The following PCDH15 variants were observed in gnomAD, a reference collection of about 807,000 sequenced individuals.
PCDH15 encodes protocadherin-15.
In PCDH15, 129 loss-of-function variants were observed where a neutral mutation model predicts 178.5. The observed-to-expected ratio is 0.72, with a 90% confidence interval of 0.63 to 0.84. PCDH15 has a LOEUF of 0.84. PCDH15 is among the 40% of genes least tolerant of loss of function. The pLI, the probability that PCDH15 is intolerant of heterozygous loss-of-function variation, is 0.00. For synonymous variants in PCDH15, 800 were observed against 732.0 expected (o/e 1.09, Z -1.50); for missense variants, 2,230 against 2,099.9 (o/e 1.06, Z -1.21).
Position 54,295,673 on chromosome 10 carries a change from A to G in PCDH15, c.876+21598T>C, listed in dbSNP as rs371360347. Among the ~76,000 whole-genome samples, 8 of 152,314 alleles carry G rather than the reference A, an allele frequency of 5.3e-5. No homozygotes were observed. The East Asian group carries it at 1.2e-3, about 22-fold the overall frequency. Reference sequence around the variant, plus strand: ...CATTCACTGTGAAGCTCCGCGCTTCATTCTTGAAGTCAGCAAGACCAAGAA... The same window carrying G: ...CATTCACTGTGAAGCTCCGCGCTTCGTTCTTGAAGTCAGCAAGACCAAGAA... On this transcript the variant is annotated intron_variant, in intron 8 of 37. Transcript: ENST00000644397.
chr10:53,806,825 A>AT lies in PCDH15; in HGVS notation c.4976_4977insA (p.Phe1659LeufsTer4). The stretch of plus-strand genomic sequence containing the variant: ...GTCTTGCATTCATTTTTTCAGTAGA[A>AT]AATGGCCCCTTTGATAATGTGTTCA... On this transcript the variant is annotated frameshift_variant, in exon 38 of 38. Coordinates refer to ENST00000644397, the MANE Select transcript of PCDH15 (RefSeq NM_001384140.1). LOFTEE classifies it high-confidence loss of function. 1 of 1,613,894 alleles carries AT rather than the reference A, an allele frequency of 6.2e-7. No individual in the cohort carries two copies. Among genetic ancestry groups the AT allele is most frequent in the Non-Finnish European group, 8.5e-7 (1 of 1,179,824 alleles).
At chr10:53,938,763 T>A in intron 25 of PCDH15, 52 bp downstream of exon 25, 2 of 1,578,462 alleles carry the variant, frequency 1.3e-6, no homozygotes, top group Non-Finnish European at 1.7e-6. Flanking sequence ...ATTTAAAAAA[T>A]TAGCAGAGAC....
intron 2 of PCDH15, among the ~76,000 whole-genome samples, chr10:54,925,449 A>G (rs1837594338): frequency 6.6e-6 from 1 of 151,992 alleles, no homozygotes; most frequent in South Asian, 2.1e-4. Flanking sequence ...TTTTCACATT[A>G]ATTTTAAAAT....
chr10:54,161,000 C>T (rs986909284), intron 13 of PCDH15, among the ~76,000 whole-genome samples: 1 of 152,050 alleles, frequency 6.6e-6, no homozygotes, highest in African/African-American at 2.4e-5. Context: ...TGTAATCTAG[C>T]ACTTTTCGTA....
chr10:55,610,101 C>G lies in PCDH15; in HGVS notation c.-156+17524G>C, dbSNP rs142328395. Among the ~76,000 whole-genome samples, 894 of 152,176 alleles carry G rather than the reference C, an allele frequency of 5.9e-3. 11 individuals carry two copies. The highest frequency in any genetic ancestry group is 0.021 in the African/African-American group (862 of 41,558). On this transcript the variant is annotated intron_variant, in intron 2 of 5. Transcript: ENST00000613346. ...CACAACAACAACAACAAAATCCTAA[C>G]TTGAATCCATCAGTTGCAGATTTCA...
intron 8 of PCDH15, among the ~76,000 whole-genome samples, chr10:54,316,527 TATACACACACACACACACACAC>T (rs1395668237): frequency 3.9e-5 from 5 of 128,240 alleles, no homozygotes; most frequent in African/African-American, 1.5e-4. Flanking sequence ...AGAATATGTG[TATACACACACACACACACACAC>T]ACACACACAC....
chr10:54,267,033 CA>C (rs1237376254), intron 8 of PCDH15, among the ~76,000 whole-genome samples: 3 of 151,684 alleles, frequency 2.0e-5, no homozygotes, highest in African/African-American at 7.3e-5. Context: ...AAATCCTCAA[CA>C]AAGTACTTGC....
At chr10:54,876,623 A>T in intron 3 of PCDH15, among the ~76,000 whole-genome samples, 1 of 152,170 alleles carries the variant, frequency 6.6e-6, no homozygotes, top group East Asian at 1.9e-4. Context: ...TCAAAACGTC[A>T]ATGGAGGAAG....
intron 2 of PCDH15, among the ~76,000 whole-genome samples, chr10:54,996,426 C>T (rs1450735153): frequency 6.6e-6 from 1 of 152,148 alleles, no homozygotes; most frequent in Admixed American, 6.6e-5. Flanking sequence ...GGCTGTTTCA[C>T]TTTGGATACT....
At chr10:54,011,827 G>A (rs1214766360) in intron 20 of PCDH15, among the ~76,000 whole-genome samples, 4 of 152,122 alleles carry the variant, frequency 2.6e-5, no homozygotes, top group Non-Finnish European at 5.9e-5. Flanking sequence ...GAACATCAGC[G>A]AACACAGATG....
chr10:54,046,908 C>T (rs1240970347), intron 18 of PCDH15, among the ~76,000 whole-genome samples: 6 of 151,868 alleles, frequency 4.0e-5, no homozygotes, highest in African/African-American at 7.3e-5. Context: ...AAGCTTATTC[C>T]TCAGGTAGGC....
intron 17 of PCDH15, among the ~76,000 whole-genome samples, chr10:54,072,592 A>C (rs1026318387): frequency 6.6e-6 from 1 of 152,194 alleles, no homozygotes; most frequent in African/African-American, 2.4e-5. Flanking sequence ...CTCATCCCCT[A>C]CTGCCACTTT....
intron 3 of PCDH15, among the ~76,000 whole-genome samples, chr10:54,486,056 G>A (rs1037543762): frequency 6.6e-6 from 1 of 152,008 alleles, no homozygotes; most frequent in African/African-American, 2.4e-5. Context: ...TCTTCCATGA[G>A]CAGTCAGACT....
At chr10:55,611,072 A>G (rs1332781738) in intron 2 of PCDH15, among the ~76,000 whole-genome samples, 1 of 152,154 alleles carries the variant, frequency 6.6e-6, no homozygotes, top group East Asian at 1.9e-4. Context: ...AGCTGAGATT[A>G]AACAGCTAAT....
chr10:53,919,006 GTCGAA>G (rs2133857342), intron 25 of PCDH15, among the ~76,000 whole-genome samples: 1 of 152,226 alleles, frequency 6.6e-6, no homozygotes, highest in South Asian at 2.1e-4. Context: ...CCTTTCATCA[GTCGAA>G]TCTAGCAATG....
intron 2 of PCDH15, among the ~76,000 whole-genome samples, chr10:54,948,374 G>A (rs548321116): frequency 6.6e-6 from 1 of 151,870 alleles, no homozygotes; most frequent in Admixed American, 6.6e-5. Context: ...ATTGGATGAG[G>A]CCCACCCACA....
chr10:55,607,113 A>G lies in PCDH15; in HGVS notation c.-156+20512T>C, dbSNP rs980146224. ...GATATGAACATACATTTCTCAAAAG[A>G]AGACATTTATGCAGCCAAAAAACAC... On this transcript the variant is annotated intron_variant, in intron 2 of 5. Transcript: ENST00000613346. 2.6e-5 allele frequency among the ~76,000 whole-genome samples: 4 copies of G among 152,222 alleles called. No individual in the cohort carries two copies. In the East Asian group the frequency reaches 5.8e-4, roughly 22 times the overall value.
At chr10:55,015,241 A>G (rs1351933032) in intron 2 of PCDH15, among the ~76,000 whole-genome samples, 7 of 152,094 alleles carry the variant, frequency 4.6e-5, no homozygotes, top group Admixed American at 3.9e-4. Flanking sequence ...TATTTGTAAT[A>G]TAAATTTAAA....
intron 3 of PCDH15, among the ~76,000 whole-genome samples, chr10:54,826,038 C>T (rs1281331110): frequency 6.6e-6 from 1 of 151,944 alleles, no homozygotes; most frequent in Admixed American, 6.6e-5. Flanking sequence ...AATTTTAATT[C>T]CATTGTAGAA....
Sources: gnomAD v4.1 joint callset for allele counts (sites outside exome capture counted in the v4.1 genomes callset) on GRCh38, gnomAD v4.1.1 for gene constraint, MANE v1.5 for transcripts, NCBI Gene and HGNC (gene_info 2026-07-23, HGNC 2026-07-21) for gene names.